NTNG1: variants seen among roughly 807,000 people sequenced by gnomAD.
NTNG1 encodes the protein netrin G1, also known as netrin-G1.
A neutral mutation model predicts 54.0 loss-of-function variants in NTNG1; 16 were observed. The observed-to-expected ratio is 0.30, with a 90% confidence interval of 0.20 to 0.45. The LOEUF (loss-of-function observed/expected upper bound fraction) is 0.45, where lower values mean the gene tolerates loss of function less well. Among genes scored for constraint, NTNG1 ranks in the 20% least tolerant of loss-of-function variants. NTNG1 has a pLI of 1.00. For synonymous variants in NTNG1, 255 were observed against 263.1 expected (o/e 0.97, Z 0.30); for missense variants, 530 against 678.7 (o/e 0.78, Z 2.43).
Position 107,430,775 on chromosome 1 carries a change from T to G in NTNG1, c.1113T>G (p.Asn371Lys). 6.2e-7 allele frequency: 1 copy of G among 1,613,322 alleles called. No individual in the cohort carries two copies. The highest frequency in any genetic ancestry group is 8.5e-7 in the Non-Finnish European group (1 of 1,179,612). Reference protein sequence around the residue: ...IGNCECFGHSNRCSYIDLLNT... With the variant: ...IGNCECFGHSKRCSYIDLLNT... ...ATTGTGAATGCTTCGGCCACTCCAA[T>G]CGATGCAGTTATATCGATCTGCTAA... Residue 371 changes from asparagine to lysine, a missense_variant, in exon 6 of 8, where the codon AAT (asparagine) becomes AAG (lysine). Transcript: ENST00000370068.
intron 5 of NTNG1, among the ~76,000 whole-genome samples, chr1:107,410,868 T>C (rs574799): frequency 0.012 from 1,804 of 152,230 alleles, 35 homozygotes; most frequent in African/African-American, 0.037. Flanking sequence ...AAAAGCATAA[T>C]TAGACCAGCA....
intron 2 of NTNG1, among the ~76,000 whole-genome samples, chr1:107,173,199 T>G (rs1656385278): frequency 6.6e-6 from 1 of 152,184 alleles, no homozygotes; most frequent in Non-Finnish European, 1.5e-5. Context: ...GATTTTGTTG[T>G]GTTGCTGTTT....
At chr1:107,182,923 C>T (rs1239593827) in intron 2 of NTNG1, among the ~76,000 whole-genome samples, 1 of 152,152 alleles carries the variant, frequency 6.6e-6, no homozygotes, top group African/African-American at 2.4e-5. Context: ...GGATCAATCA[C>T]AACATCCAAA....
intron 2 of NTNG1, among the ~76,000 whole-genome samples, chr1:107,175,093 C>T (rs1240823906): frequency 6.6e-6 from 1 of 152,062 alleles, no homozygotes; most frequent in African/African-American, 2.4e-5. Flanking sequence ...TTTTCACAAC[C>T]AAATTGTATT....
chr1:107,266,527 T>C (rs1663746891), intron 2 of NTNG1, among the ~76,000 whole-genome samples: 1 of 151,808 alleles, frequency 6.6e-6, no homozygotes, highest in South Asian at 2.1e-4. Context: ...GTCCCCATGA[T>C]CTAACTACCT....
At chr1:107,262,378 C>T (rs1284097103) in intron 2 of NTNG1, among the ~76,000 whole-genome samples, 2 of 152,066 alleles carry the variant, frequency 1.3e-5, no homozygotes, top group Admixed American at 6.5e-5. Context: ...TATTTTGTCA[C>T]AAAAGATTAA....
intron 7 of NTNG1, among the ~76,000 whole-genome samples, chr1:107,457,746 A>G (rs951535029): frequency 6.6e-6 from 1 of 152,150 alleles, no homozygotes; most frequent in African/African-American, 2.4e-5. Flanking sequence ...ATGCCAGTAG[A>G]CTTATGAGTT....
chr1:107,397,072 G>A (rs546435853), intron 4 of NTNG1, among the ~76,000 whole-genome samples: 4 of 152,076 alleles, frequency 2.6e-5, no homozygotes, highest in African/African-American at 7.2e-5. Flanking sequence ...CTCCTACCCC[G>A]AATCCTTTGC....
chr1:107,200,958 C>T (rs1351397216), intron 2 of NTNG1, among the ~76,000 whole-genome samples: 1 of 151,778 alleles, frequency 6.6e-6, no homozygotes, highest in African/African-American at 2.4e-5. Context: ...GCTTCTTATA[C>T]TGAACATTTA....
chr1:107,224,835 G>A (rs1010175827), intron 2 of NTNG1, among the ~76,000 whole-genome samples: 6 of 152,148 alleles, frequency 3.9e-5, no homozygotes, highest in Admixed American at 1.3e-4. Flanking sequence ...ATCTGTAGCT[G>A]TTAGAAATAT....
chr1:107,467,128 CTT>C (rs902190898), intron 7 of NTNG1, among the ~76,000 whole-genome samples: 1 of 149,310 alleles, frequency 6.7e-6, no homozygotes, highest in African/African-American at 2.5e-5. Context: ...TTTACCTAAA[CTT>C]TTTTTTTTAA....
intron 2 of NTNG1, among the ~76,000 whole-genome samples, chr1:107,296,257 G>A (rs1369409660): frequency 6.6e-6 from 1 of 152,072 alleles, no homozygotes; most frequent in Non-Finnish European, 1.5e-5. Context: ...AATGATATCA[G>A]TATTTACACA....
intron 7 of NTNG1, among the ~76,000 whole-genome samples, chr1:107,459,113 A>C (rs1329059298): frequency 6.6e-6 from 1 of 152,178 alleles, no homozygotes. Flanking sequence ...CACACTATCT[A>C]TTATTACCTG....
intron 7 of NTNG1, among the ~76,000 whole-genome samples, chr1:107,445,441 GTTAC>G (rs1342935502): frequency 2.6e-5 from 4 of 152,214 alleles, no homozygotes; most frequent in South Asian, 2.1e-4. Flanking sequence ...AATAAAAAGT[GTTAC>G]TTACTGAGCC....
intron 4 of NTNG1, among the ~76,000 whole-genome samples, chr1:107,403,303 ATAGCCCTT>A (rs534856005): frequency 2.0e-3 from 304 of 152,292 alleles, no homozygotes; most frequent in African/African-American, 7.0e-3. Context: ...TGGTAGCATA[ATAGCCCTT>A]TAGCTTACTC....
At chr1:107,215,281 T>C (rs1053060606) in intron 2 of NTNG1, among the ~76,000 whole-genome samples, 2 of 152,198 alleles carry the variant, frequency 1.3e-5, no homozygotes, top group African/African-American at 4.8e-5. Flanking sequence ...TTTATTTAAG[T>C]ATTTGATCCA....
At chr1:107,364,058 T>C (rs1670447895) in intron 3 of NTNG1, among the ~76,000 whole-genome samples, 1 of 152,202 alleles carries the variant, frequency 6.6e-6, no homozygotes, top group South Asian at 2.1e-4. Flanking sequence ...TATAAGTATT[T>C]CTTGGGTAAA....
At chr1:107,452,863 C>T (rs1023535008) in intron 7 of NTNG1, among the ~76,000 whole-genome samples, 9 of 152,142 alleles carry the variant, frequency 5.9e-5, no homozygotes, top group South Asian at 2.1e-4. Flanking sequence ...GCTATAGCAA[C>T]GCAAAATGGA....
intron 2 of NTNG1, among the ~76,000 whole-genome samples, chr1:107,297,251 A>C (rs886564397): frequency 3.6e-5 from 5 of 140,360 alleles, no homozygotes; most frequent in Admixed American, 2.9e-4. Context: ...ATATATGCGC[A>C]CACACACACA....
Sources: allele counts gnomAD v4.1 joint callset (sites outside exome capture counted in the v4.1 genomes callset), GRCh38; gene constraint gnomAD v4.1.1; transcripts MANE v1.5; gene names NCBI Gene and HGNC (gene_info 2026-07-23, HGNC 2026-07-21).